DOK6: variants seen among roughly 807,000 people sequenced by gnomAD.
DOK6 encodes docking protein 6.
A neutral mutation model predicts 44.0 loss-of-function variants in DOK6; 22 were observed. The ratio of observed to expected loss-of-function variants is 0.50; its 90% CI spans 0.36 to 0.71. DOK6 has a LOEUF of 0.71. DOK6 is among the 30% of genes least tolerant of loss of function. The pLI is 0.00. For synonymous variants in DOK6, 166 were observed against 145.5 expected, an observed-to-expected ratio of 1.14 and a Z score of -1.01; for missense variants, 340 against 416.4, an observed-to-expected ratio of 0.82 and a Z score of 1.60.
intron 1 of DOK6, among the ~76,000 whole-genome samples, chr18:69,511,387 G>A (rs34936879): frequency 0.32 from 48,329 of 151,958 alleles, 8,057 homozygotes; most frequent in Non-Finnish European, 0.36. Context: ...TTTAGGAGAT[G>A]AGATCTAATA....
chr18:69,516,507 A>T (rs762884953), intron 1 of DOK6, among the ~76,000 whole-genome samples: 1 of 152,186 alleles, frequency 6.6e-6, no homozygotes, highest in African/African-American at 2.4e-5. Flanking sequence ...GAAACACTTC[A>T]TTTGCAAGAA....
intron 3 of DOK6, among the ~76,000 whole-genome samples, chr18:69,653,666 A>G (rs1026086508): frequency 4.6e-5 from 7 of 152,212 alleles, no homozygotes; most frequent in African/African-American, 1.4e-4. Context: ...AAAAACTGAA[A>G]CTTAGATTTG....
intron 1 of DOK6, among the ~76,000 whole-genome samples, chr18:69,530,343 G>T (rs1182476282): frequency 1.3e-5 from 2 of 152,110 alleles, no homozygotes; most frequent in African/African-American, 4.8e-5. Flanking sequence ...CACTTTGTAT[G>T]CCCTGTATGC....
At chr18:69,811,347 A>T (rs960055329) in intron 7 of DOK6, among the ~76,000 whole-genome samples, 1 of 151,784 alleles carries the variant, frequency 6.6e-6, no homozygotes, top group African/African-American at 2.4e-5. Flanking sequence ...AAGACACAAA[A>T]TTTCAGTTAC....
At position 69,787,934 on chromosome 18, in the gene DOK6, T is replaced by C. The variant is rs200226882; in HGVS notation, c.856+30061T>C. Among the ~76,000 whole-genome samples, 4 of 152,316 alleles carry C rather than the reference T, an allele frequency of 2.6e-5. No individual in the cohort carries two copies. The East Asian group carries it at 7.7e-4, about 29-fold the overall frequency. On this transcript the variant is annotated intron_variant, in intron 7 of 7. Transcript: ENST00000382713. ...GACTAAATATATTCAGCCTCGGCAA[T>C]TAGCTTACTTTTGAGGGTGTCCATA...
At chr18:69,698,688 C>T in intron 5 of DOK6, 95 bp downstream of exon 5, 1 of 1,239,814 alleles carries the variant, frequency 8.1e-7, no homozygotes, top group Non-Finnish European at 1.1e-6. Flanking sequence ...ATCATTGCCC[C>T]CAGTGAGCAC....
chr18:69,513,271 T>A (rs1981424484), intron 1 of DOK6, among the ~76,000 whole-genome samples: 1 of 152,252 alleles, frequency 6.6e-6, no homozygotes, highest in Non-Finnish European at 1.5e-5. Flanking sequence ...ACTATGCTTC[T>A]GTCCTTTGGT....
chr18:69,573,871 T>C (rs1983176969), intron 2 of DOK6, among the ~76,000 whole-genome samples: 1 of 152,006 alleles, frequency 6.6e-6, no homozygotes, highest in Non-Finnish European at 1.5e-5. Flanking sequence ...CTCTTTATCA[T>C]TCAAATGTGA....
At chr18:69,423,447 G>A (rs372208443) in intron 1 of DOK6, among the ~76,000 whole-genome samples, 211 of 152,218 alleles carry the variant, frequency 1.4e-3, no homozygotes, top group African/African-American at 4.7e-3. Context: ...CACTTCAACC[G>A]TTGTATTGTC....
Position 69,785,712 on chromosome 18 carries a change from T to C in DOK6, c.856+27839T>C, listed in dbSNP as rs77393218. Among the ~76,000 whole-genome samples the C allele has an allele frequency of 5.1e-3, 770 of 152,312 alleles. 10 individuals are homozygous for C. Among genetic ancestry groups the C allele is most frequent in the African/African-American group, 0.018 (749 of 41,576 alleles). Reference sequence around the variant, plus strand: ...TATCTCAATGTGCTTTGTTGCCATATTTCTGATGTTTCTTTCCTCATTCCT... The same window carrying C: ...TATCTCAATGTGCTTTGTTGCCATACTTCTGATGTTTCTTTCCTCATTCCT... On this transcript the variant is annotated intron_variant, in intron 7 of 7. Transcript: ENST00000382713.
intron 7 of DOK6, among the ~76,000 whole-genome samples, chr18:69,769,426 T>C (rs921378571): frequency 6.6e-6 from 1 of 152,134 alleles, no homozygotes; most frequent in Non-Finnish European, 1.5e-5. Flanking sequence ...AGATGTTGTC[T>C]AAGAAACATC....
intron 1 of DOK6, among the ~76,000 whole-genome samples, chr18:69,414,036 A>C (rs1218651663): frequency 6.6e-6 from 1 of 152,052 alleles, no homozygotes; most frequent in African/African-American, 2.4e-5. Context: ...AAAACTACCA[A>C]GAGATATCAT....
At chr18:69,785,421 G>A (rs1025687622) in intron 7 of DOK6, among the ~76,000 whole-genome samples, 48 of 152,216 alleles carry the variant, frequency 3.2e-4, no homozygotes, top group African/African-American at 1.0e-3. Context: ...GGTGGTCTCC[G>A]TTTCAATTCT....
At chr18:69,782,688 CA>C in intron 7 of DOK6, among the ~76,000 whole-genome samples, 1 of 151,924 alleles carries the variant, frequency 6.6e-6, no homozygotes, top group East Asian at 1.9e-4. Flanking sequence ...CGCTTGAACC[CA>C]GGAAGTGGAG....
rs1979411899 is a variant in DOK6 at position 69,757,869 on chromosome 18, G to T, written c.852G>T (p.Leu284Phe). The T allele has an allele frequency of 6.2e-7, 1 of 1,613,640 alleles. No individual in the cohort carries two copies. Among genetic ancestry groups the T allele is most frequent in the Non-Finnish European group, 8.5e-7 (1 of 1,179,540 alleles). ...ACAGCGTTGGTGAAATCTACAGTTTGCAAGGCAAGTCACTTTAATGTAAGA... is the reference window on the plus strand; with the variant it reads ...ACAGCGTTGGTGAAATCTACAGTTTTCAAGGCAAGTCACTTTAATGTAAGA... ...RQNSVGEIYS[L>F]QGHGFGSSKM... Residue 284 changes from leucine (L) to phenylalanine (F), a missense_variant, in exon 7 of 8, where the codon TTG (leucine) becomes TTT (phenylalanine). Around this residue, in one of 3 missense-constraint regions of DOK6, gnomAD observed 112 missense variants for 109.3 expected, o/e 1.02. Coordinates refer to ENST00000382713, the MANE Select transcript of DOK6 (RefSeq NM_152721.6).
chr18:69,590,933 C>T (rs1307014798), intron 2 of DOK6, among the ~76,000 whole-genome samples: 1 of 152,056 alleles, frequency 6.6e-6, no homozygotes, highest in Non-Finnish European at 1.5e-5. Flanking sequence ...CAGAGTGGTC[C>T]GTGAAAACAA....
chr18:69,834,347 G>A (rs904724875), intron 7 of DOK6, among the ~76,000 whole-genome samples: 5 of 151,594 alleles, frequency 3.3e-5, no homozygotes, highest in Non-Finnish European at 7.4e-5. Context: ...GAGATAGAGA[G>A]TAGAACGGTG....
At chr18:69,798,467 G>A (rs1212284484) in intron 7 of DOK6, among the ~76,000 whole-genome samples, 3 of 151,946 alleles carry the variant, frequency 2.0e-5, no homozygotes, top group Non-Finnish European at 4.4e-5. Flanking sequence ...TAAATAAAAT[G>A]GTTAAACTCT....
At chr18:69,723,933 G>T (rs2144725789) in intron 5 of DOK6, among the ~76,000 whole-genome samples, 1 of 152,262 alleles carries the variant, frequency 6.6e-6, no homozygotes, top group East Asian at 1.9e-4. Context: ...ACTTTGCAGG[G>T]TATCCTGTCC....
Sources: gnomAD v4.1 joint callset for allele counts (sites outside exome capture counted in the v4.1 genomes callset) on GRCh38, gnomAD v4.1.1 for gene constraint, gnomAD v4.1.1 regional missense constraint, MANE v1.5 for transcripts, NCBI Gene and HGNC (gene_info 2026-07-23, HGNC 2026-07-21) for gene names.